ANKRD30B: variants seen among roughly 807,000 people sequenced by gnomAD.
The protein encoded by ANKRD30B is ankyrin repeat domain 30B.
ANKRD30B carries 144 observed loss-of-function variants against 202.2 expected under a neutral mutation model. That is an observed-to-expected ratio of 0.71 (90% CI 0.62 to 0.82). The LOEUF (loss-of-function observed/expected upper bound fraction) is 0.82. Among genes scored for constraint, ANKRD30B ranks in the 40% least tolerant of loss-of-function variants. The pLI is 0.00. For missense variants in ANKRD30B, 1,487 were observed against 1,669.1 expected, an observed-to-expected ratio of 0.89 and a Z score of 1.90; for synonymous variants, 508 against 561.3, an observed-to-expected ratio of 0.91 and a Z score of 1.34.
chr18:14,836,308 C>T (rs1240458148), intron 34 of ANKRD30B, among the ~76,000 whole-genome samples: 2 of 152,024 alleles, frequency 1.3e-5, no homozygotes, highest in Non-Finnish European at 2.9e-5. Context: ...TCTACTCTGT[C>T]ATCTGGTTTC....
the ANKRD30B span, among the ~76,000 whole-genome samples, chr18:14,862,426 T>C: frequency 2.0e-5 from 3 of 152,260 alleles, no homozygotes; most frequent in East Asian, 3.9e-4. Flanking sequence ...AATAAAAAAT[T>C]ACAAATGAGA....
chr18:14,918,235 A>G, the ANKRD30B span, among the ~76,000 whole-genome samples: 1 of 152,110 alleles, frequency 6.6e-6, no homozygotes, highest in Non-Finnish European at 1.5e-5. Flanking sequence ...TAGCCCTTAG[A>G]TATATGATAA....
rs1259811413 is a variant in ANKRD30B, at chr18:14,853,916, A to C, written c.*6A>C. ...ACTCTCTGAGGCATCAATAGAGGCT[A>C]CATCACATTATCACATTAATCTCAA... On this transcript the variant is annotated 3_prime_UTR_variant, in exon 43 of 44. Transcript: ENST00000690538. Among the ~76,000 whole-genome samples the C allele has an allele frequency of 7.2e-5, 11 of 152,220 alleles. No homozygotes were observed. The highest frequency in any genetic ancestry group is 2.7e-4 in the African/African-American group (11 of 41,464).
At chr18:14,822,449 G>A (rs765421698) in intron 30 of ANKRD30B, 34 bp from the exon 31 acceptor site, 116 of 1,144,240 alleles carry the variant, frequency 1.0e-4, no homozygotes, top group Admixed American at 5.3e-4. Context: ...ACAGGCTTGC[G>A]TATAATCAAT....
intron 1 of ANKRD30B, among the ~76,000 whole-genome samples, chr18:14,751,554 A>G (rs1339604529): frequency 2.6e-5 from 4 of 151,110 alleles, no homozygotes; most frequent in Non-Finnish European, 4.4e-5. Flanking sequence ...CAGGTTTTGG[A>G]AATTTATAAC....
At chr18:14,796,500 T>C (rs1442654781) in intron 18 of ANKRD30B, 85 bp downstream of exon 18, 1 of 1,426,830 alleles carries the variant, frequency 7.0e-7, no homozygotes, top group East Asian at 2.5e-5. Flanking sequence ...CCCAATGTTG[T>C]TTTCTTTTGA....
the ANKRD30B span, among the ~76,000 whole-genome samples, chr18:14,860,376 T>C: frequency 1.6e-4 from 2 of 12,476 alleles, no homozygotes; most frequent in Non-Finnish European, 4.1e-4. Flanking sequence ...GCTCCTCACT[T>C]CCCAGAGGGG....
rs543014155 is a variant in ANKRD30B, at chr18:14,755,017, C to CT, written c.617+21dup. 28,147 of 1,379,820 alleles carry CT rather than the reference C, an allele frequency of 0.02. 209 individuals carry two copies. The highest frequency in any genetic ancestry group is 0.034 in the Middle Eastern group (178 of 5,294). 85.5% of individuals were successfully genotyped at this position (1,379,820 alleles called of 1,614,324 possible). Reference sequence around the variant, plus strand: ...AATGAGTCTAAATGGTATGGTAGTTCTTTTTTTTTACTAAAAAACACTTGA... The same window carrying CT: ...AATGAGTCTAAATGGTATGGTAGTTCTTTTTTTTTTACTAAAAAACACTTGA... On this transcript the variant is annotated intron_variant, in intron 4 of 43. Coordinates refer to ENST00000690538, the MANE Select transcript of ANKRD30B (RefSeq NM_001367607.2).
At chr18:14,787,935 A>G (rs1302702448) in intron 15 of ANKRD30B, among the ~76,000 whole-genome samples, 2 of 152,296 alleles carry the variant, frequency 1.3e-5, no homozygotes, top group South Asian at 2.1e-4. Context: ...TAGACATGAC[A>G]TAATTTTTTT....
the ANKRD30B span, among the ~76,000 whole-genome samples, chr18:14,875,011 A>G: frequency 6.6e-6 from 1 of 152,310 alleles, no homozygotes; most frequent in East Asian, 1.9e-4. Context: ...CCAATGACCA[A>G]ATCAACAGTG....
At chr18:14,868,270 G>A in the ANKRD30B span, among the ~76,000 whole-genome samples, 4 of 152,310 alleles carry the variant, frequency 2.6e-5, no homozygotes, top group Middle Eastern at 3.2e-3. Context: ...TGTACCACAG[G>A]CCTCAGTGAT....
rs1236365327 is a variant in ANKRD30B, at chr18:14,853,907, A to G, written c.4575A>G (p.Gln1525=). ...VTSHSHSLRH[Q] ...CACATTCTCACTCTCTGAGGCATCA[A>G]TAGAGGCTACATCACATTATCACAT... is the stretch of plus-strand genomic sequence containing the variant. Residue 1525 remains glutamine (Q), a synonymous_variant, in exon 43 of 44, where the codon CAA becomes CAG. Transcript: ENST00000690538. 1.3e-5 allele frequency among the ~76,000 whole-genome samples: 2 copies of G among 152,228 alleles called. No homozygotes were observed. Among genetic ancestry groups the G allele is most frequent in the African/African-American group, 2.4e-5 (1 of 41,460 alleles).
the ANKRD30B span, among the ~76,000 whole-genome samples, chr18:14,880,771 T>C: frequency 3.9e-5 from 6 of 152,168 alleles, no homozygotes; most frequent in East Asian, 1.9e-4. Flanking sequence ...TAATTTTCAC[T>C]GTAGAGGTCT....
chr18:14,811,749 A>G lies in ANKRD30B; in HGVS notation c.2489-1355A>G, dbSNP rs763603195. Among the ~76,000 whole-genome samples the G allele has an allele frequency of 8.0e-3, 273 of 34,248 alleles. 3 individuals carry two copies. Among genetic ancestry groups the G allele is most frequent in the Middle Eastern group, 0.015 (2 of 136 alleles). 22.5% of individuals were successfully genotyped at this position (34,248 alleles called of 152,430 possible). A position where few individuals can be genotyped will look rare whatever the true frequency, so the allele number is the denominator to read the frequency against. The stretch of plus-strand genomic sequence containing the variant: ...GAGACGTCCATAAAGGACACAATTA[A>G]CTGTCTTTTTAAATGTCAGATTGTT... On this transcript the variant is annotated intron_variant, in intron 28 of 43. Transcript: ENST00000690538.
Position 14,810,199 on chromosome 18 carries a change from A to C in ANKRD30B, c.2488+19A>C. On this transcript the variant is annotated intron_variant, in intron 28 of 43. Coordinates refer to ENST00000690538, the MANE Select transcript of ANKRD30B (RefSeq NM_001367607.2). ...AAAGCAGGTAAACTTTGTAATTTAA[A>C]TTTTACTCTGGAATTAAGAATATTA... 1 of 1,298,134 alleles carries C rather than the reference A, an allele frequency of 7.7e-7. No individual in the cohort carries two copies. The allele number at this position is 1,298,134 out of a possible 1,614,324, so 80.4% of individuals were successfully genotyped here. A position where few individuals can be genotyped will look rare whatever the true frequency, so the allele number is the denominator to read the frequency against.
intron 30 of ANKRD30B, among the ~76,000 whole-genome samples, chr18:14,820,141 A>G (rs1158961442): frequency 1.3e-5 from 2 of 152,032 alleles, no homozygotes; most frequent in East Asian, 3.9e-4. Context: ...ATGGGAGTTC[A>G]CTCATGATTT....
chr18:14,756,359 G>A (rs1914362188), intron 4 of ANKRD30B, among the ~76,000 whole-genome samples: 1 of 152,082 alleles, frequency 6.6e-6, no homozygotes, highest in African/African-American at 2.4e-5. Context: ...TAGGTTGCCT[G>A]TTCACTCTGA....
chr18:14,867,185 G>A, the ANKRD30B span, among the ~76,000 whole-genome samples: 2 of 151,314 alleles, frequency 1.3e-5, no homozygotes, highest in Non-Finnish European at 2.9e-5. Flanking sequence ...AACACCCGTG[G>A]CAGGGATGGG....
intron 34 of ANKRD30B, among the ~76,000 whole-genome samples, chr18:14,836,223 T>G (rs1971163869): frequency 6.6e-6 from 1 of 152,200 alleles, no homozygotes; most frequent in African/African-American, 2.4e-5. Flanking sequence ...GCCCCATAGA[T>G]GCCTCAAATC....
Sources: gnomAD v4.1 joint callset for allele counts (sites outside exome capture counted in the v4.1 genomes callset) on GRCh38, gnomAD v4.1.1 for gene constraint, MANE v1.5 for transcripts, NCBI Gene and HGNC (gene_info 2026-07-23, HGNC 2026-07-21) for gene names.